PIGN: variants seen among roughly 807,000 people sequenced by gnomAD.
PIGN encodes phosphatidylinositol glycan anchor biosynthesis class N, also known as GPI ethanolamine phosphate transferase 1.
PIGN carries 117 observed loss-of-function variants against 125.4 expected under a neutral mutation model. The ratio of observed to expected loss-of-function variants is 0.93; its 90% CI spans 0.80 to 1.09. The LOEUF (loss-of-function observed/expected upper bound fraction) is 1.09, where lower values mean the gene tolerates loss of function less well. Ranked by LOEUF, PIGN falls within the 50% of genes least tolerant of loss-of-function variation. PIGN has a pLI of 0.00. For missense variants in PIGN, 1,075 were observed against 1,094.9 expected (o/e 0.98, Z 0.26); for synonymous variants, 392 against 377.8 (o/e 1.04, Z -0.44).
chr18:62,065,127 C>T (rs1367455845), intron 30 of PIGN, among the ~76,000 whole-genome samples: 1 of 152,094 alleles, frequency 6.6e-6, no homozygotes, highest in Admixed American at 6.5e-5. Flanking sequence ...TCTCTCTCTC[C>T]CTCCCTTTGT....
intron 6 of PIGN, 54 bp from the exon 7 acceptor site, chr18:62,154,705 A>G (rs1257712333): frequency 2.3e-6 from 2 of 859,382 alleles, no homozygotes; most frequent in African/African-American, 3.4e-5. Flanking sequence ...TTAAACTATC[A>G]TAAAATATGA....
intron 30 of PIGN, among the ~76,000 whole-genome samples, chr18:62,049,575 GT>G (rs1301492187): frequency 2.7e-5 from 4 of 150,490 alleles, no homozygotes; most frequent in African/African-American, 9.7e-5. Context: ...ATTTGTTTGA[GT>G]TCATTGTAGA....
At chr18:62,068,938 C>A (rs982510547) in intron 30 of PIGN, among the ~76,000 whole-genome samples, 4 of 152,170 alleles carry the variant, frequency 2.6e-5, no homozygotes, top group African/African-American at 9.7e-5. Flanking sequence ...TAAGTGTCCC[C>A]ACAGTACAAG....
chr18:62,155,039 T>G (rs1274392354), intron 6 of PIGN, among the ~76,000 whole-genome samples: 2 of 152,154 alleles, frequency 1.3e-5, no homozygotes, highest in Non-Finnish European at 2.9e-5. Context: ...CAATCTAAAA[T>G]AGATGATGTG....
rs1349992912 is a variant in PIGN at position 62,044,937 on chromosome 18, T to C, written c.*919A>G. The C allele has an allele frequency of 1.3e-5, 2 of 152,160 alleles. No individual in the cohort carries two copies. The highest frequency in any genetic ancestry group is 4.8e-5 in the African/African-American group (2 of 41,434). The allele number at this position is 152,160 out of a possible 1,614,324, so 9.4% of individuals were successfully genotyped here. A position where few individuals can be genotyped will look rare whatever the true frequency, so the allele number is the denominator to read the frequency against. On this transcript the variant is annotated 3_prime_UTR_variant, in exon 31 of 31. Transcript: ENST00000640252. ...CTAATTTGATGATTTTAGGCCTTTG[T>C]GCTAGAATCTCACAACCAGAAAGAA...
chr18:62,062,984 G>C (rs2032272469), intron 30 of PIGN, among the ~76,000 whole-genome samples: 1 of 143,378 alleles, frequency 7.0e-6, no homozygotes, highest in Non-Finnish European at 1.5e-5. Context: ...GATAAGGCTG[G>C]AGGTACCACA....
At chr18:62,055,851 A>C (rs557200519) in intron 30 of PIGN, among the ~76,000 whole-genome samples, 1 of 151,854 alleles carries the variant, frequency 6.6e-6, no homozygotes, top group Non-Finnish European at 1.5e-5. Context: ...AGCAGGGACT[A>C]TAATTTTTAT....
chr18:62,064,322 A>G (rs1599431339), intron 30 of PIGN, among the ~76,000 whole-genome samples: 1 of 152,338 alleles, frequency 6.6e-6, no homozygotes, highest in East Asian at 1.9e-4. Context: ...CAGGACTGGA[A>G]TGTCCCATAC....
chr18:62,079,948 A>G (rs2033368610), intron 28 of PIGN, among the ~76,000 whole-genome samples: 1 of 152,200 alleles, frequency 6.6e-6, no homozygotes, highest in South Asian at 2.1e-4. Flanking sequence ...ATTCAATATT[A>G]TAATAATTCT....
At chr18:62,137,236 G>C (rs910121926) in intron 14 of PIGN, 5 of 403,488 alleles carry the variant, frequency 1.2e-5, no homozygotes, top group African/African-American at 6.2e-5. Context: ...TCAGCTTTTA[G>C]ACTCTTGGAC....
intron 29 of PIGN, among the ~76,000 whole-genome samples, chr18:62,073,169 G>GT: frequency 1.1e-5 from 1 of 91,056 alleles, no homozygotes; most frequent in Admixed American, 1.3e-4. Context: ...AAATTATCAG[G>GT]GGTGTGTGTG....
chr18:62,131,872 TTAAAC>T (rs1599594083), intron 14 of PIGN, among the ~76,000 whole-genome samples: 1 of 152,142 alleles, frequency 6.6e-6, no homozygotes, highest in East Asian at 1.9e-4. Flanking sequence ...GAAGATACCA[TTAAAC>T]TAAAATCTAA....
chr18:62,068,672 C>T (rs950275813), intron 30 of PIGN, among the ~76,000 whole-genome samples: 2 of 152,140 alleles, frequency 1.3e-5, no homozygotes, highest in African/African-American at 4.8e-5. Flanking sequence ...TCTGAGACTG[C>T]ATGACCTCTC....
At chr18:62,181,439 C>T (rs1250124737) in intron 1 of PIGN, among the ~76,000 whole-genome samples, 1 of 152,138 alleles carries the variant, frequency 6.6e-6, no homozygotes, top group Non-Finnish European at 1.5e-5. Flanking sequence ...AAAGTAAAGA[C>T]AGTTAACAGT....
chr18:62,121,479 T>C (rs2035302284), intron 14 of PIGN, among the ~76,000 whole-genome samples: 1 of 152,184 alleles, frequency 6.6e-6, no homozygotes, highest in Non-Finnish European at 1.5e-5. Flanking sequence ...AATTAACACA[T>C]AAATTATTCC....
intron 14 of PIGN, chr18:62,137,648 G>C (rs1337949453): frequency 6.5e-6 from 1 of 152,768 alleles, no homozygotes; most frequent in East Asian, 1.9e-4. Flanking sequence ...TGTTGCCCAG[G>C]CTGGTCTCGA....
chr18:62,166,064 T>G (rs2037123251), intron 1 of PIGN, among the ~76,000 whole-genome samples: 1 of 152,122 alleles, frequency 6.6e-6, no homozygotes, highest in Admixed American at 6.5e-5. Context: ...ATTTAGAATA[T>G]AGAAGGATAT....
At chr18:62,127,001 A>T (rs527283457) in intron 14 of PIGN, among the ~76,000 whole-genome samples, 2 of 152,258 alleles carry the variant, frequency 1.3e-5, no homozygotes, top group East Asian at 3.9e-4. Flanking sequence ...CTATCTTGTC[A>T]ATCTTAAAGC....
chr18:62,018,797 G>A (rs1306528262), intron 23 of PIGN, among the ~76,000 whole-genome samples: 1 of 152,060 alleles, frequency 6.6e-6, no homozygotes, highest in Non-Finnish European at 1.5e-5. Context: ...GCCTCTACTT[G>A]CTGCCTTGAA....
Sources: allele counts gnomAD v4.1 joint callset (sites outside exome capture counted in the v4.1 genomes callset), GRCh38; gene constraint gnomAD v4.1.1; transcripts MANE v1.5; gene names NCBI Gene and HGNC (gene_info 2026-07-23, HGNC 2026-07-21).